WDR88: variants seen among roughly 807,000 people sequenced by gnomAD.
WDR88 encodes the protein WD repeat-containing protein 88.
WDR88 carries 40 observed loss-of-function variants against 46.8 expected under a neutral mutation model. That is an observed-to-expected ratio of 0.86 (90% CI 0.66 to 1.11). The LOEUF (loss-of-function observed/expected upper bound fraction) is 1.11, where lower values mean the gene tolerates loss of function less well. WDR88 is among the 50% of genes most tolerant of loss of function. The pLI, the probability that WDR88 is intolerant of heterozygous loss-of-function variation, is 0.00. For synonymous variants in WDR88, 235 were observed against 240.7 expected (o/e 0.98, Z 0.22); for missense variants, 562 against 602.4 (o/e 0.93, Z 0.70).
intron 2 of WDR88, among the ~76,000 whole-genome samples, chr19:33,141,227 GT>G (rs745987290): frequency 3.4e-4 from 39 of 113,366 alleles, no homozygotes; most frequent in Middle Eastern, 5.6e-3. Context: ...GTGGGAGCAT[GT>G]TTTTTTTTTT....
chr19:33,134,999 C>G (rs532014285), intron 1 of WDR88, among the ~76,000 whole-genome samples: 66 of 151,566 alleles, frequency 4.4e-4, no homozygotes, highest in Non-Finnish European at 8.1e-4. Flanking sequence ...CCCCCACCCC[C>G]ACACTTCCGC....
intron 8 of WDR88, among the ~76,000 whole-genome samples, chr19:33,163,346 A>AT (rs397859974): frequency 2.0e-5 from 3 of 151,374 alleles, no homozygotes; most frequent in African/African-American, 7.3e-5. Flanking sequence ...AAAAAAAAAA[A>AT]TTAGCTGGGC....
In WDR88 at chr19:33,164,200, CATA is replaced by C; in HGVS notation, c.1087_1089del (p.Asn363del). On this transcript the variant is annotated inframe_deletion, in exon 9 of 11. Transcript: ENST00000355868. The stretch of plus-strand genomic sequence containing the variant: ...TTAAAATTTGATATTTCTTCAGGGC[CATA>C]ATGACTGGGTGATGGATGTTGCCAT... 1 of 1,613,288 alleles carries C rather than the reference CATA, an allele frequency of 6.2e-7. No homozygotes were observed. Among genetic ancestry groups the C allele is most frequent in the Non-Finnish European group, 8.5e-7 (1 of 1,179,260 alleles).
chr19:33,175,532 G>T lies in WDR88; in HGVS notation c.1379G>T (p.Arg460Met). ...DTSSSSSSSE[R>M]ENSPPPRGSK... ...TCATCGTCATCATCATCATCGGAAA[G>T]GGAGAACTCACCGCCGCCAAGGGGA... Residue 460 changes from arginine (R) to methionine (M), a missense_variant, in exon 11 of 11, where the codon AGG becomes ATG. By Grantham distance (91) the Arg-to-Met change is moderately conservative. Coordinates refer to ENST00000355868, the MANE Select transcript of WDR88 (RefSeq NM_173479.4). 6.2e-7 allele frequency: 1 copy of T among 1,614,222 alleles called. No homozygotes were observed. The highest frequency in any genetic ancestry group is 8.5e-7 in the Non-Finnish European group (1 of 1,180,038).
In WDR88 at chr19:33,156,505, T is replaced by A; in HGVS notation, c.960T>A (p.His320Gln). The change falls in exon 7 of 11, where the codon CAT (histidine) becomes CAA (glutamine). Residue 320 changes from histidine to glutamine, a missense_variant. His to Gln is a conservative substitution (Grantham distance 24). Transcript: ENST00000355868. ...CCTGTGTGACTCTGATGCAGGGCCA[T>A]GAAGGTTCTGTCAGTTCCTGTCACT... ...CGACVTLMQG[H>Q]EGSVSSCHFA... is the part of the protein sequence containing the mutation. 1 of 1,614,054 alleles carries A rather than the reference T, an allele frequency of 6.2e-7. No homozygotes were observed. Among genetic ancestry groups the A allele is most frequent in the Non-Finnish European group, 8.5e-7 (1 of 1,179,994 alleles).
intron 10 of WDR88, chr19:33,174,482 C>G (rs1446045521): frequency 1.0e-6 from 1 of 985,350 alleles, no homozygotes; most frequent in Non-Finnish European, 1.2e-6. Context: ...TCCCATGGCA[C>G]TCTTGCTTGT....
At chr19:33,135,018 C>G (rs1205865072) in intron 1 of WDR88, among the ~76,000 whole-genome samples, 1 of 136,898 alleles carries the variant, frequency 7.3e-6, no homozygotes, top group African/African-American at 2.6e-5. Context: ...GCAGCTCAAC[C>G]TGGGACGTGT....
Position 33,146,454 on chromosome 19 carries a change from TC to T in WDR88, c.477-1189del, listed in dbSNP as rs1360645881. On this transcript the variant is annotated intron_variant, in intron 3 of 10. Transcript: ENST00000355868. Reference sequence around the variant, plus strand: ...CTATTTCCTTCCTTCCTTCCTTCCTTCCTTCCTTCTTTCCTTCCTTCCTTCC... The same window carrying T: ...CTATTTCCTTCCTTCCTTCCTTCCTTCTTCCTTCTTTCCTTCCTTCCTTCC... Among the ~76,000 whole-genome samples the T allele has an allele frequency of 2.6e-3, 187 of 73,122 alleles. 1 individual carries two copies. The highest frequency in any genetic ancestry group is 0.014 in the East Asian group (25 of 1,752). The allele number at this position is 73,122 out of a possible 152,430, so 48.0% of individuals were successfully genotyped here. A position where few individuals can be genotyped will look rare whatever the true frequency, so the allele number is the denominator to read the frequency against.
At chr19:33,144,998 C>T in intron 3 of WDR88, 66 bp downstream of exon 3, 3 of 1,452,796 alleles carry the variant, frequency 2.1e-6, no homozygotes, top group Non-Finnish European at 2.9e-6. Flanking sequence ...AATAGGTATG[C>T]CTGTGACATT....
chr19:33,150,321 G>A (rs1048264950), intron 5 of WDR88, among the ~76,000 whole-genome samples: 1 of 151,980 alleles, frequency 6.6e-6, no homozygotes, highest in East Asian at 1.9e-4. Flanking sequence ...GCGTGGTGGC[G>A]GGCACCTGTA....
intron 5 of WDR88, 45 bp downstream of exon 5, chr19:33,148,955 T>TC: frequency 6.2e-7 from 1 of 1,611,756 alleles, no homozygotes; most frequent in Non-Finnish European, 8.5e-7. Context: ...GCCATAGGAA[T>TC]AGCCACTTGT....
intron 10 of WDR88, among the ~76,000 whole-genome samples, 163 bp from the exon 11 acceptor site, chr19:33,175,233 T>TCAAAAA (rs1469487602): frequency 1.4e-5 from 2 of 139,376 alleles, no homozygotes; most frequent in East Asian, 2.2e-4. Context: ...AGACTCTGTC[T>TCAAAAA]CAAAAACAAA....
chr19:33,172,262 C>T, intron 9 of WDR88, 86 bp from the exon 10 acceptor site: 1 of 1,148,928 alleles, frequency 8.7e-7, no homozygotes, highest in Non-Finnish European at 1.3e-6. Flanking sequence ...CCTTGACAGC[C>T]CATGTCTTTT....
chr19:33,156,174 A>T (rs930995569), intron 6 of WDR88, among the ~76,000 whole-genome samples, 181 bp from the exon 7 acceptor site: 2 of 152,250 alleles, frequency 1.3e-5, no homozygotes, highest in African/African-American at 4.8e-5. Flanking sequence ...CATGATGAAC[A>T]TGAGCTCACA....
chr19:33,155,818 A>G (rs1319098923), intron 6 of WDR88, among the ~76,000 whole-genome samples: 2 of 152,166 alleles, frequency 1.3e-5, no homozygotes, highest in Admixed American at 6.5e-5. Flanking sequence ...TGTTGTCACA[A>G]CTGGGTGTGG....
At position 33,142,878 on chromosome 19, in the gene WDR88, A is replaced by AAAAAAAAAAAG. The variant is rs1289318961; in HGVS notation, c.388-1964_388-1963insAAAAAAAAGAA. On this transcript the variant is annotated intron_variant, in intron 2 of 10. Coordinates refer to ENST00000355868, the MANE Select transcript of WDR88 (RefSeq NM_173479.4). ...AAAAAAAAAAAAAAAAAAAAAAAAA[A>AAAAAAAAAAAG]AAGGCCGGGGGGCGGGAATAACGTG... 9.1e-5 allele frequency: 13 copies of AAAAAAAAAAAG among 142,868 alleles called. 1 individual carries two copies. Among genetic ancestry groups the AAAAAAAAAAAG allele is most frequent in the African/African-American group, 3.5e-4 (13 of 36,788 alleles). The allele number at this position is 142,868 out of a possible 1,614,324, so 8.9% of individuals were successfully genotyped here.
chr19:33,134,265 C>G (rs774558395), intron 1 of WDR88, among the ~76,000 whole-genome samples: 1 of 152,098 alleles, frequency 6.6e-6, no homozygotes, highest in East Asian at 1.9e-4. Flanking sequence ...TGGTTCCCCC[C>G]TCTTGCTAAT....
chr19:33,143,724 A>G (rs1973450802), intron 2 of WDR88, among the ~76,000 whole-genome samples: 1 of 152,182 alleles, frequency 6.6e-6, no homozygotes, highest in Admixed American at 6.5e-5. Flanking sequence ...AAACACATGA[A>G]AACACAAGAA....
At chr19:33,162,578 C>T (rs540958120) in intron 8 of WDR88, among the ~76,000 whole-genome samples, 6 of 152,132 alleles carry the variant, frequency 3.9e-5, no homozygotes, top group South Asian at 2.1e-4. Context: ...CACAGTGGAT[C>T]GAGTTTGCAG....
Sources: allele counts gnomAD v4.1 joint callset (sites outside exome capture counted in the v4.1 genomes callset), GRCh38; gene constraint gnomAD v4.1.1; transcripts MANE v1.5; gene names NCBI Gene and HGNC (gene_info 2026-07-23, HGNC 2026-07-21).